The following CTH variants were observed in gnomAD, a reference collection of about 807,000 sequenced individuals.
The protein encoded by CTH is cystathionine gamma-lyase, also known as cystathionase (cystathionine gamma-lyase).
A neutral mutation model predicts 50.6 loss-of-function variants in CTH; 41 were observed. That is an observed-to-expected ratio of 0.81 (90% CI 0.63 to 1.05). The LOEUF (loss-of-function observed/expected upper bound fraction) is 1.05, where lower values mean the gene tolerates loss of function less well. Ranked by LOEUF, CTH falls within the 50% of genes least tolerant of loss-of-function variation. The pLI is 0.00. For synonymous variants in CTH, 156 were observed against 168.9 expected (o/e 0.92, Z 0.59); for missense variants, 470 against 492.6 (o/e 0.95, Z 0.43).
intron 10 of CTH, among the ~76,000 whole-genome samples, chr1:70,437,555 T>G (rs190754804): frequency 1.3e-5 from 2 of 152,288 alleles, no homozygotes; most frequent in East Asian, 3.9e-4. Flanking sequence ...AGGCAGTATG[T>G]GGAAGGGCTA....
intron 4 of CTH, among the ~76,000 whole-genome samples, chr1:70,422,904 CG>C (rs1404374824): frequency 6.6e-6 from 1 of 152,038 alleles, no homozygotes; most frequent in Non-Finnish European, 1.5e-5. Context: ...GCCACCGTGC[CG>C]GGCCCTGGTC....
chr1:70,435,425 G>T (rs1684577197), intron 10 of CTH, among the ~76,000 whole-genome samples: 2 of 152,000 alleles, frequency 1.3e-5, no homozygotes, highest in African/African-American at 4.8e-5. Flanking sequence ...AGAGATTCCA[G>T]CAGTAACTGT....
chr1:70,421,323 G>A (rs1684214927), intron 3 of CTH, among the ~76,000 whole-genome samples: 1 of 152,150 alleles, frequency 6.6e-6, no homozygotes. Context: ...AACATTATTT[G>A]CTTCATGCTA....
In CTH at chr1:70,424,321, A is replaced by C; in HGVS notation, c.493A>C (p.Lys165Gln). The C allele has an allele frequency of 3.1e-6, 5 of 1,614,098 alleles. No homozygotes were observed. The highest frequency in any genetic ancestry group is 4.2e-6 in the Non-Finnish European group (5 of 1,179,996). The change falls in exon 5 of 12, where the codon AAG (lysine) becomes CAG (glutamine). Residue 165 changes from lysine (K) to glutamine (Q), a missense_variant. By Grantham distance (53) the Lys-to-Gln change is moderately conservative. Transcript: ENST00000370938. The stretch of plus-strand genomic sequence containing the variant: ...CGAAACCCCCACAAACCCCACCCAG[A>C]AGGTGATTGACATTGAAGGCTGTGC... ...WIETPTNPTQ[K>Q]VIDIEGCAHI... is the part of the protein sequence containing the mutation.
At chr1:70,434,886 G>C (rs1684562713) in intron 9 of CTH, 1 of 356,024 alleles carries the variant, frequency 2.8e-6, no homozygotes, top group African/African-American at 2.1e-5. Context: ...CCAGGTAGCT[G>C]GGATTACAGG....
chr1:70,431,276 A>G (rs1031791946), intron 7 of CTH: 27 of 152,194 alleles, frequency 1.8e-4, no homozygotes, highest in African/African-American at 6.5e-4. Flanking sequence ...AATTATAATC[A>G]TAATTTGATA....
intron 2 of CTH, among the ~76,000 whole-genome samples, chr1:70,416,809 G>C (rs59031466): frequency 4.0e-5 from 6 of 151,394 alleles, no homozygotes; most frequent in Admixed American, 6.6e-5. Context: ...GTGATCTCCC[G>C]CCTTGGACTC....
intron 3 of CTH, among the ~76,000 whole-genome samples, chr1:70,419,074 GTT>G (rs1174790044): frequency 2.7e-5 from 4 of 147,948 alleles, no homozygotes; most frequent in Non-Finnish European, 5.9e-5. Context: ...AACATGTGGT[GTT>G]TGGTTTTTTG....
chr1:70,436,771 C>G (rs1684607921), intron 10 of CTH, among the ~76,000 whole-genome samples: 1 of 151,994 alleles, frequency 6.6e-6, no homozygotes, highest in African/African-American at 2.4e-5. Flanking sequence ...TTTGGATGCA[C>G]AAGAGGGCAC....
chr1:70,429,104 G>C (rs1216581359), intron 5 of CTH, among the ~76,000 whole-genome samples: 1 of 152,112 alleles, frequency 6.6e-6, no homozygotes, highest in Non-Finnish European at 1.5e-5. Flanking sequence ...TAGATTTCTT[G>C]TAATACCTAA....
Position 70,438,731 on chromosome 1 carries a change from GT to G in CTH, c.1097del (p.Val366AlafsTer8). The G allele has an allele frequency of 6.2e-7, 1 of 1,614,094 alleles. No individual in the cohort carries two copies. Among genetic ancestry groups the G allele is most frequent in the Non-Finnish European group, 8.5e-7 (1 of 1,180,006 alleles). On this transcript the variant is annotated frameshift_variant, in exon 11 of 12. Transcript: ENST00000370938. LOFTEE classifies it high-confidence loss of function. ...ATCAGTTCTTAAGAATGACAGAGATGTCCTTGGAATTAGTGACACACTGATT... is the reference window on the plus strand; with the variant it reads ...ATCAGTTCTTAAGAATGACAGAGATGCCTTGGAATTAGTGACACACTGATT... ...HASVLKNDRD[V>X]LGISDTLIRL...
chr1:70,418,843 G>C (rs893610318), intron 3 of CTH, among the ~76,000 whole-genome samples: 1 of 152,078 alleles, frequency 6.6e-6, no homozygotes, highest in African/African-American at 2.4e-5. Context: ...ACTACACTGA[G>C]TGATTAGCAT....
At chr1:70,422,172 A>G (rs1457802055) in intron 4 of CTH, among the ~76,000 whole-genome samples, 1 of 152,220 alleles carries the variant, frequency 6.6e-6, no homozygotes, top group Non-Finnish European at 1.5e-5. Context: ...CCAAACCCCC[A>G]AACTCGAAGC....
Position 70,438,810 on chromosome 1 carries a change from A to G in CTH, c.1175A>G (p.Gln392Arg), listed in dbSNP as rs1169171004. 6.2e-7 allele frequency: 1 copy of G among 1,612,274 alleles called. No homozygotes were observed. Among genetic ancestry groups the G allele is most frequent in the South Asian group, 1.1e-5 (1 of 90,974 alleles). The part of the protein sequence containing the change: ...DEEDLLEDLD[Q>R]ALKAAHPPSG... ...GAAGACCTACTGGAAGATCTAGATC[A>G]AGCTTTGAAGGCAGCAGTAAGTCTT... The change falls in exon 11 of 12, where the codon CAA (glutamine) becomes CGA (arginine). Residue 392 changes from glutamine to arginine, a missense_variant. By Grantham distance (43) the Gln-to-Arg change is conservative. Coordinates refer to ENST00000370938, the MANE Select transcript of CTH (RefSeq NM_001902.6).
At chr1:70,412,095 C>T (rs1683978724) in intron 1 of CTH, among the ~76,000 whole-genome samples, 1 of 152,094 alleles carries the variant, frequency 6.6e-6, no homozygotes, top group African/African-American at 2.4e-5. Context: ...TAGTCTGAAC[C>T]GAATTCTCAT....
chr1:70,429,901 A>C (rs1280596670), intron 6 of CTH, 50 bp downstream of exon 6: 2 of 1,355,984 alleles, frequency 1.5e-6, no homozygotes, highest in Non-Finnish European at 2.1e-6. Flanking sequence ...TGAAAATTGC[A>C]TAGGGCTTGG....
chr1:70,416,915 A>G (rs949488615), intron 2 of CTH, among the ~76,000 whole-genome samples: 1 of 151,556 alleles, frequency 6.6e-6, no homozygotes, highest in Non-Finnish European at 1.5e-5. Context: ...CTGGTCTGGA[A>G]CTCTTGGGCT....
chr1:70,433,795 TA>T, intron 8 of CTH, 32 bp from the exon 9 acceptor site: 1 of 1,612,586 alleles, frequency 6.2e-7, no homozygotes, highest in Non-Finnish European at 8.5e-7. Flanking sequence ...TGTTTAATTC[TA>T]AAATAAGACT....
rs557217915 is a variant in CTH, at chr1:70,424,145, G to A, written c.457-140G>A. 724 of 1,493,974 alleles carry A rather than the reference G, an allele frequency of 4.8e-4. 3 individuals carry two copies. Among genetic ancestry groups the A allele is most frequent in the Non-Finnish European group, 6.3e-4 (685 of 1,095,834 alleles). The allele number at this position is 1,493,974 out of a possible 1,614,324, so 92.5% of individuals were successfully genotyped here. A position where few individuals can be genotyped will look rare whatever the true frequency, so the allele number is the denominator to read the frequency against. On this transcript the variant is annotated intron_variant, in intron 4 of 11. Transcript: ENST00000370938. ...TTCAGAAATTTGCAGGTAAGGCTGG[G>A]ATTCAGATTTGAACCTCCCAACATC... is the stretch of plus-strand genomic sequence containing the variant.
Sources: allele counts gnomAD v4.1 joint callset (sites outside exome capture counted in the v4.1 genomes callset), GRCh38; gene constraint gnomAD v4.1.1; transcripts MANE v1.5; gene names NCBI Gene and HGNC (gene_info 2026-07-23, HGNC 2026-07-21).